Variants in STAT4 observed in about 807,000 individuals in gnomAD.
STAT4 encodes the protein signal transducer and activator of transcription 4.
A neutral mutation model predicts 110.5 loss-of-function variants in STAT4; 42 were observed. That is an observed-to-expected ratio of 0.38 (90% CI 0.30 to 0.49). The LOEUF (loss-of-function observed/expected upper bound fraction) is 0.49. Ranked by LOEUF, STAT4 falls within the 20% of genes least tolerant of loss-of-function variation. STAT4 has a pLI of 0.95. For synonymous variants in STAT4, 284 were observed against 302.2 expected, an observed-to-expected ratio of 0.94 and a Z score of 0.63; for missense variants, 632 against 887.9, an observed-to-expected ratio of 0.71 and a Z score of 3.66.
At chr2:191,141,433 CAT>C in intron 3 of STAT4, among the ~76,000 whole-genome samples, 1 of 40,148 alleles carries the variant, frequency 2.5e-5, no homozygotes, top group South Asian at 9.0e-4. Context: ...CACATACATA[CAT>C]ATACATATGT....
At position 191,051,629 on chromosome 2, in the gene STAT4, C is replaced by A. The variant is rs1188634683; in HGVS notation, c.1251+2861G>T. On this transcript the variant is annotated intron_variant, in intron 14 of 23. Transcript: ENST00000392320. The surrounding 1 kb of genome is among the most constrained non-coding windows in gnomAD (Gnocchi z 5.6). The stretch of plus-strand genomic sequence containing the variant: ...CATTATTTTAAATTATGGTGTGAGA[C>A]AGACATGATTTCGGAGCAGGTGGGT... Among the ~76,000 whole-genome samples the A allele has an allele frequency of 6.6e-6, 1 of 152,194 alleles. No individual in the cohort carries two copies. The highest frequency in any genetic ancestry group is 2.4e-5 in the African/African-American group (1 of 41,430).
chr2:191,120,018 C>T (rs1698675495), intron 3 of STAT4, among the ~76,000 whole-genome samples: 1 of 152,120 alleles, frequency 6.6e-6, no homozygotes, highest in African/African-American at 2.4e-5. Flanking sequence ...CCTACTTTAC[C>T]CCTATCTCGT....
At chr2:191,141,630 A>AT (rs1699338836) in intron 3 of STAT4, among the ~76,000 whole-genome samples, 1 of 144,194 alleles carries the variant, frequency 6.9e-6, no homozygotes, top group Non-Finnish European at 1.5e-5. Flanking sequence ...TATATATATG[A>AT]TTATATATAT....
Position 191,073,187 on chromosome 2 carries a change from G to C in STAT4, c.376C>G (p.Pro126Ala). 6.2e-7 allele frequency: 1 copy of C among 1,613,554 alleles called. No individual in the cohort carries two copies. Among genetic ancestry groups the C allele is most frequent in the Non-Finnish European group, 8.5e-7 (1 of 1,179,634 alleles). Reference sequence around the variant, plus strand: ...GAACTTTGTAAGGATTTCTCTAGAGGCCCCTGGAAAAAGAATGTCTTGAAA... The same window carrying C: ...GAACTTTGTAAGGATTTCTCTAGAGCCCCCTGGAAAAAGAATGTCTTGAAA... ...LAAANMPVQG[P>A]LEKSLQSSSV... Residue 126 changes from proline to alanine, a missense_variant, in exon 5 of 24, where the codon CCT (proline) becomes GCT (alanine). By Grantham distance (27) the Pro-to-Ala change is conservative. This residue lies in a region of STAT4 where 488 missense variants were observed against 632.8 expected (regional missense o/e 0.77). Coordinates refer to ENST00000392320, the MANE Select transcript of STAT4 (RefSeq NM_003151.4).
intron 3 of STAT4, among the ~76,000 whole-genome samples, chr2:191,124,213 T>C (rs1698815144): frequency 6.6e-6 from 1 of 152,118 alleles, no homozygotes; most frequent in African/African-American, 2.4e-5. Flanking sequence ...TCCCAGCACC[T>C]TGGGACGCGG....
intron 3 of STAT4, among the ~76,000 whole-genome samples, chr2:191,125,348 T>C (rs922989163): frequency 7.9e-5 from 12 of 152,074 alleles, no homozygotes; most frequent in Admixed American, 2.6e-4. Context: ...TTACACCTCA[T>C]TGTGCACTTA....
Position 191,054,486 on chromosome 2 carries a change from C to G in STAT4, c.1251+4G>C, listed in dbSNP as rs1330465392. The G allele has an allele frequency of 6.2e-7, 1 of 1,609,216 alleles. No individual in the cohort carries two copies. The highest frequency in any genetic ancestry group is 8.5e-7 in the Non-Finnish European group (1 of 1,178,474). The stretch of plus-strand genomic sequence containing the variant: ...AAAATTCTATAGGAGAAAACATTTC[C>G]TACCTCATTTCCTTTACCTCCAGCA... On this transcript the variant is annotated splice_donor_region_variant and intron_variant, in intron 14 of 23. Coordinates refer to ENST00000392320, the MANE Select transcript of STAT4 (RefSeq NM_003151.4).
chr2:191,147,246 C>T lies in STAT4; in HGVS notation c.129-489G>A, dbSNP rs1028287573. ...ATTAGCAATAGCCAAAATGTTTGAA[C>T]AACCCAAATGTCCATTGACAGATAC... On this transcript the variant is annotated intron_variant, in intron 2 of 23. Transcript: ENST00000392320. This position sits in a 1 kb window ranked among gnomAD's most constrained non-coding sequence, Gnocchi z 4.1. Among the ~76,000 whole-genome samples the T allele has an allele frequency of 6.6e-6, 1 of 152,092 alleles. No homozygotes were observed. Among genetic ancestry groups the T allele is most frequent in the African/African-American group, 2.4e-5 (1 of 41,412 alleles).
Position 191,142,855 on chromosome 2 carries a change from T to A in STAT4, c.273+3758A>T, listed in dbSNP as rs1326142625. Among the ~76,000 whole-genome samples, 1 of 152,062 alleles carries A rather than the reference T, an allele frequency of 6.6e-6. No homozygotes were observed. Among genetic ancestry groups the A allele is most frequent in the African/African-American group, 2.4e-5 (1 of 41,388 alleles). On this transcript the variant is annotated intron_variant, in intron 3 of 23. Transcript: ENST00000392320. The surrounding 1 kb of genome is among the most constrained non-coding windows in gnomAD (Gnocchi z 4.1). ...GATGAATATTGGAGAGGACAGGAGA[T>A]TTTCAGGGGCCATGAAACTCTCTAG...
chr2:191,135,475 T>C lies in STAT4; in HGVS notation c.273+11138A>G, dbSNP rs1699155635. On this transcript the variant is annotated intron_variant, in intron 3 of 23. Coordinates refer to ENST00000392320, the MANE Select transcript of STAT4 (RefSeq NM_003151.4). This position sits in a 1 kb window ranked among gnomAD's most constrained non-coding sequence, Gnocchi z 4.8. ...TTCTTTGTTGTTGTTGTTGTTATTGTTTTTGTTTGTTTGTTTGAGATGGAG... is the reference window on the plus strand; with the variant it reads ...TTCTTTGTTGTTGTTGTTGTTATTGCTTTTGTTTGTTTGTTTGAGATGGAG... Among the ~76,000 whole-genome samples the C allele has an allele frequency of 2.0e-5, 3 of 152,128 alleles. No individual in the cohort carries two copies. The highest frequency in any genetic ancestry group is 6.5e-5 in the Admixed American group (1 of 15,290).
chr2:191,126,437 T>G (rs1026517668), intron 3 of STAT4, among the ~76,000 whole-genome samples: 4 of 152,212 alleles, frequency 2.6e-5, no homozygotes, highest in Non-Finnish European at 4.4e-5. Context: ...TGCCCAAATT[T>G]TGCTTAACAA....
Position 191,034,560 on chromosome 2 carries a change from G to C in STAT4, c.1608C>G (p.Ala536=), listed in dbSNP as rs1298374922. Residue 536 remains alanine (A), a synonymous_variant, in exon 18 of 24, where the codon GCC becomes GCG. Transcript: ENST00000392320. ...SSYSDGHLTW[A]KFCKEHLPGK... ...CGACCGTTTGTACCTTGCAGAACTT[G>C]GCCCAGGTGAGGTGACCATCACTGT... The C allele has an allele frequency of 6.2e-7, 1 of 1,613,362 alleles. No individual in the cohort carries two copies.
rs1019770812 is a variant in STAT4 at position 191,042,733 on chromosome 2, T to C, written c.1252-1585A>G. Among the ~76,000 whole-genome samples the C allele has an allele frequency of 6.6e-6, 1 of 152,146 alleles. No homozygotes were observed. Among genetic ancestry groups the C allele is most frequent in the Admixed American group, 6.5e-5 (1 of 15,268 alleles). On this transcript the variant is annotated intron_variant, in intron 14 of 23. Transcript: ENST00000392320. This position sits in a 1 kb window ranked among gnomAD's most constrained non-coding sequence, Gnocchi z 4.2. ...AATAAGATAGGCAAAATATTAATCA[T>C]TGTTGAAGTTAGGTGATGCTTAAAT... is the stretch of plus-strand genomic sequence containing the variant.
At position 191,086,048 on chromosome 2, in the gene STAT4, A is replaced by G. The variant is rs968656267; in HGVS notation, c.274-9723T>C. On this transcript the variant is annotated intron_variant, in intron 3 of 23. Coordinates refer to ENST00000392320, the MANE Select transcript of STAT4 (RefSeq NM_003151.4). This position sits in a 1 kb window ranked among gnomAD's most constrained non-coding sequence, Gnocchi z 5.5. ...TTGTGAGTATTCTTAATTTATGGCA[A>G]TAGTTATTTTCATAAGTTCAATAAT... 2.6e-5 allele frequency among the ~76,000 whole-genome samples: 4 copies of G among 152,152 alleles called. No homozygotes were observed. The highest frequency in any genetic ancestry group is 5.9e-5 in the Non-Finnish European group (4 of 68,034).
At chr2:191,106,906 G>A (rs1023734770) in intron 3 of STAT4, among the ~76,000 whole-genome samples, 1 of 152,122 alleles carries the variant, frequency 6.6e-6, no homozygotes. Context: ...TAATATTTCT[G>A]TAATACTCTA....
In STAT4 at chr2:191,142,623, A is replaced by T; in HGVS notation, c.273+3990T>A. Reference sequence around the variant, plus strand: ...AGAATGGGTTTGAAATGTTTCCAACATAGAAATGATAAATTCAAAGATGAT... The same window carrying T: ...AGAATGGGTTTGAAATGTTTCCAACTTAGAAATGATAAATTCAAAGATGAT... On this transcript the variant is annotated intron_variant, in intron 3 of 23. Coordinates refer to ENST00000392320, the MANE Select transcript of STAT4 (RefSeq NM_003151.4). The surrounding 1 kb of genome is among the most constrained non-coding windows in gnomAD (Gnocchi z 4.1). Among the ~76,000 whole-genome samples the T allele has an allele frequency of 6.6e-6, 1 of 152,244 alleles. No homozygotes were observed. The highest frequency in any genetic ancestry group is 1.9e-4 in the East Asian group (1 of 5,204).
At position 191,053,404 on chromosome 2, in the gene STAT4, G is replaced by A. The variant is rs781421979; in HGVS notation, c.1251+1086C>T. Reference sequence around the variant, plus strand: ...AACGTCACATTTTCAGGCCCTGGCAGAGCATGTACTCAAACCCAGGTTTTC... The same window carrying A: ...AACGTCACATTTTCAGGCCCTGGCAAAGCATGTACTCAAACCCAGGTTTTC... On this transcript the variant is annotated intron_variant, in intron 14 of 23. Transcript: ENST00000392320. The surrounding 1 kb of genome is among the most constrained non-coding windows in gnomAD (Gnocchi z 4.5). 2.0e-5 allele frequency among the ~76,000 whole-genome samples: 3 copies of A among 152,212 alleles called. No homozygotes were observed. The highest frequency in any genetic ancestry group is 4.4e-5 in the Non-Finnish European group (3 of 68,038).
rs972624863 is a variant in STAT4, at chr2:191,032,102, T to G, written c.2045-586A>C. 1 of 152,256 alleles carries G rather than the reference T, an allele frequency of 6.6e-6. No individual in the cohort carries two copies. The highest frequency in any genetic ancestry group is 1.5e-5 in the Non-Finnish European group (1 of 68,062). The allele number at this position is 152,256 out of a possible 1,614,324, so 9.4% of individuals were successfully genotyped here. A position where few individuals can be genotyped will look rare whatever the true frequency, so the allele number is the denominator to read the frequency against. Reference sequence around the variant, plus strand: ...ATATTTGTTATTTCATTTTTATCAGTTGTTGAAAGTCACTGAAAAGCCACA... The same window carrying G: ...ATATTTGTTATTTCATTTTTATCAGGTGTTGAAAGTCACTGAAAAGCCACA... On this transcript the variant is annotated intron_variant, in intron 21 of 23. Coordinates refer to ENST00000392320, the MANE Select transcript of STAT4 (RefSeq NM_003151.4). This position sits in a 1 kb window ranked among gnomAD's most constrained non-coding sequence, Gnocchi z 4.9.
intron 3 of STAT4, among the ~76,000 whole-genome samples, chr2:191,127,832 C>T (rs1698921704): frequency 6.6e-6 from 1 of 152,204 alleles, no homozygotes; most frequent in African/African-American, 2.4e-5. Flanking sequence ...GATGAATCGT[C>T]ATGGACTCGA....
Sources: allele counts gnomAD v4.1 joint callset (sites outside exome capture counted in the v4.1 genomes callset), GRCh38; gene constraint gnomAD v4.1.1; regional missense constraint gnomAD v4.1.1; non-coding constraint Gnocchi (gnomAD v3.1); transcripts MANE v1.5; gene names NCBI Gene and HGNC (gene_info 2026-07-23, HGNC 2026-07-21).